The following CCBE1 variants were observed in gnomAD, a reference collection of about 807,000 sequenced individuals.
The protein encoded by CCBE1 is collagen and calcium binding EGF domains 1.
In CCBE1, 37 loss-of-function variants were observed where a neutral mutation model predicts 50.0. The observed-to-expected ratio is 0.74, with a 90% confidence interval of 0.57 to 0.97. CCBE1 has a LOEUF of 0.97. Ranked by LOEUF, CCBE1 falls within the 50% of genes least tolerant of loss-of-function variation. The pLI is 0.00. For synonymous variants in CCBE1, 234 were observed against 203.7 expected (o/e 1.15, Z -1.27); for missense variants, 538 against 523.8 (o/e 1.03, Z -0.26).
chr18:59,534,934 C>A (rs1228897439), intron 2 of CCBE1, among the ~76,000 whole-genome samples: 2 of 152,180 alleles, frequency 1.3e-5, no homozygotes, highest in Non-Finnish European at 2.9e-5. Flanking sequence ...GAACAAAACT[C>A]ATTTTCCCTC....
chr18:59,519,522 T>C (rs1433574491), intron 2 of CCBE1, among the ~76,000 whole-genome samples: 1 of 149,106 alleles, frequency 6.7e-6, no homozygotes, highest in East Asian at 2.0e-4. Flanking sequence ...TTAAAAAAAA[T>C]AGCACTCATT....
chr18:59,498,542 ACC>A (rs2143829015), intron 2 of CCBE1, among the ~76,000 whole-genome samples: 1 of 152,348 alleles, frequency 6.6e-6, no homozygotes, highest in East Asian at 1.9e-4. Context: ...TTTACTGGTA[ACC>A]TTAAAGAGTT....
chr18:59,648,111 AG>A (rs1289307673), intron 2 of CCBE1, among the ~76,000 whole-genome samples: 1 of 152,260 alleles, frequency 6.6e-6, no homozygotes, highest in African/African-American at 2.4e-5. Context: ...GCCCTGTGTC[AG>A]GTCTCCCCAT....
At chr18:59,658,898 A>C (rs2054244308) in intron 2 of CCBE1, among the ~76,000 whole-genome samples, 1 of 151,118 alleles carries the variant, frequency 6.6e-6, no homozygotes, top group South Asian at 2.1e-4. Context: ...AAAAAAAAAA[A>C]AAAAAAAACT....
chr18:59,692,477 C>T (rs2054745272), intron 2 of CCBE1, among the ~76,000 whole-genome samples: 3 of 152,028 alleles, frequency 2.0e-5, no homozygotes, highest in Admixed American at 1.3e-4. Context: ...TTGACATTAT[C>T]GAAGCCCACT....
At chr18:59,690,190 A>G (rs1387777808) in intron 2 of CCBE1, among the ~76,000 whole-genome samples, 1 of 152,204 alleles carries the variant, frequency 6.6e-6, no homozygotes, top group African/African-American at 2.4e-5. Flanking sequence ...GTAAGTACCC[A>G]ACAAGTATTC....
intron 2 of CCBE1, among the ~76,000 whole-genome samples, chr18:59,637,830 A>G (rs926516045): frequency 6.6e-6 from 1 of 152,238 alleles, no homozygotes; most frequent in African/African-American, 2.4e-5. Context: ...CATTCATTAA[A>G]GTGAATTCAA....
chr18:59,492,607 A>C (rs1327860201), intron 2 of CCBE1, among the ~76,000 whole-genome samples: 2 of 152,184 alleles, frequency 1.3e-5, no homozygotes, highest in Non-Finnish European at 2.9e-5. Flanking sequence ...ATGTGACGTC[A>C]ATGCCCTAGT....
In CCBE1 at chr18:59,692,955, AGCACACACACAC is replaced by A. The variant is rs1202644279; in HGVS notation, c.212+3662_212+3673del. Among the ~76,000 whole-genome samples, 838 of 143,174 alleles carry A rather than the reference AGCACACACACAC, an allele frequency of 5.9e-3. 12 individuals carry two copies. Among genetic ancestry groups the A allele is most frequent in the African/African-American group, 0.016 (598 of 37,432 alleles). The allele number at this position is 143,174 out of a possible 152,430, so 93.9% of individuals were successfully genotyped here. ...TAAAAGAACCACTTTGTCAAGCCAA[AGCACACACACAC>A]ACACACACACACACACACACACACA... On this transcript the variant is annotated intron_variant, in intron 2 of 10. Coordinates refer to ENST00000439986, the MANE Select transcript of CCBE1 (RefSeq NM_133459.4).
At chr18:59,440,830 CCCA>C (rs1216485458) in intron 7 of CCBE1, among the ~76,000 whole-genome samples, 1 of 152,080 alleles carries the variant, frequency 6.6e-6, no homozygotes, top group East Asian at 1.9e-4. Context: ...GTCCCGTTGC[CCCA>C]CAACTCTAGC....
chr18:59,506,837 C>G (rs1231341223), intron 2 of CCBE1, among the ~76,000 whole-genome samples: 1 of 152,220 alleles, frequency 6.6e-6, no homozygotes, highest in Non-Finnish European at 1.5e-5. Flanking sequence ...GACAATAAAA[C>G]TGGAAAGTAT....
intron 2 of CCBE1, among the ~76,000 whole-genome samples, chr18:59,624,176 C>T (rs2053747496): frequency 6.6e-6 from 1 of 152,210 alleles, no homozygotes; most frequent in South Asian, 2.1e-4. Flanking sequence ...ACTCTAGCTG[C>T]CTCGTTCTTT....
At chr18:59,540,125 A>T (rs559625008) in intron 2 of CCBE1, among the ~76,000 whole-genome samples, 1 of 152,354 alleles carries the variant, frequency 6.6e-6, no homozygotes. Context: ...AAATGATTAG[A>T]ATATATTTAA....
chr18:59,539,097 G>A (rs1915363268), intron 2 of CCBE1, among the ~76,000 whole-genome samples: 1 of 151,952 alleles, frequency 6.6e-6, no homozygotes, highest in African/African-American at 2.4e-5. Flanking sequence ...GACCGCTTGA[G>A]CCCAAGAGGT....
intron 2 of CCBE1, among the ~76,000 whole-genome samples, chr18:59,616,253 C>T (rs2053634927): frequency 6.6e-6 from 1 of 152,048 alleles, no homozygotes; most frequent in Non-Finnish European, 1.5e-5. Context: ...TTAGGGAATG[C>T]TCATCTTAAA....
chr18:59,605,137 G>A (rs887285316), intron 2 of CCBE1, among the ~76,000 whole-genome samples: 1 of 152,224 alleles, frequency 6.6e-6, no homozygotes, highest in African/African-American at 2.4e-5. Flanking sequence ...TGGTGGTTCT[G>A]CCCTAACAGA....
At chr18:59,679,078 T>C (rs1476035149) in intron 2 of CCBE1, among the ~76,000 whole-genome samples, 6 of 151,974 alleles carry the variant, frequency 3.9e-5, no homozygotes, top group Non-Finnish European at 8.8e-5. Flanking sequence ...ATGCATGAAC[T>C]GCCTTTGAGG....
intron 2 of CCBE1, among the ~76,000 whole-genome samples, chr18:59,608,197 A>G (rs1048129941): frequency 6.6e-5 from 10 of 152,366 alleles, no homozygotes; most frequent in South Asian, 2.1e-4. Context: ...AAAATTAAAG[A>G]GAAATATATG....
chr18:59,556,508 G>A (rs1451507586), intron 2 of CCBE1, among the ~76,000 whole-genome samples: 1 of 152,140 alleles, frequency 6.6e-6, no homozygotes, highest in Non-Finnish European at 1.5e-5. Context: ...ATGTGATCCA[G>A]CTGCAGAAGA....
Sources: allele counts gnomAD v4.1 joint callset (sites outside exome capture counted in the v4.1 genomes callset), GRCh38; gene constraint gnomAD v4.1.1; transcripts MANE v1.5; gene names NCBI Gene and HGNC (gene_info 2026-07-23, HGNC 2026-07-21).